MACROD2: variants seen among roughly 807,000 people sequenced by gnomAD.
MACROD2 encodes mono-ADP ribosylhydrolase 2.
A neutral mutation model predicts 70.4 loss-of-function variants in MACROD2; 36 were observed. The observed-to-expected ratio is 0.51, with a 90% CI of 0.39 to 0.68. The LOEUF is 0.68. Ranked by LOEUF, MACROD2 falls within the 30% of genes least tolerant of loss-of-function variation. MACROD2 has a pLI of 0.00. For synonymous variants in MACROD2, 172 were observed against 178.8 expected, an observed-to-expected ratio of 0.96 and a Z score of 0.30; for missense variants, 496 against 538.4, an observed-to-expected ratio of 0.92 and a Z score of 0.78.
intron 8 of MACROD2, among the ~76,000 whole-genome samples, chr20:15,770,898 T>C (rs1472871411): frequency 6.6e-6 from 1 of 152,160 alleles, no homozygotes; most frequent in Non-Finnish European, 1.5e-5. Context: ...CTTCTTCTCG[T>C]GTCCAATCTG....
rs141289169 is a variant in MACROD2 at position 15,006,141 on chromosome 20, A to ATATG, written c.419-223798_419-223797insATGT. Among the ~76,000 whole-genome samples the ATATG allele has an allele frequency of 5.4e-3, 726 of 134,332 alleles. 3 individuals are homozygous for ATATG. The highest frequency in any genetic ancestry group is 7.3e-3 in the Admixed American group (96 of 13,078). The allele number at this position is 134,332 out of a possible 152,430, so 88.1% of individuals were successfully genotyped here. ...CAAAGAATGCATTTTATATATATAT[A>ATATG]TGTGTGTGTGTGTGTGTGTGTGTGT... is the stretch of plus-strand genomic sequence containing the variant. On this transcript the variant is annotated intron_variant, in intron 5 of 17. Coordinates refer to ENST00000684519, the MANE Select transcript of MACROD2 (RefSeq NM_001351661.2).
intron 8 of MACROD2, among the ~76,000 whole-genome samples, chr20:15,772,614 T>C (rs1209904670): frequency 1.3e-5 from 2 of 152,104 alleles, no homozygotes; most frequent in Non-Finnish European, 2.9e-5. Flanking sequence ...AGAGGCTTAA[T>C]AGTTCCTCAT....
intron 5 of MACROD2, among the ~76,000 whole-genome samples, chr20:14,812,799 A>T (rs935623106): frequency 6.6e-6 from 1 of 151,982 alleles, no homozygotes; most frequent in African/African-American, 2.4e-5. Flanking sequence ...AGTGGGTGTA[A>T]TTCACTTCAT....
chr20:14,336,208 TAATAA>T (rs1352571755), intron 3 of MACROD2, among the ~76,000 whole-genome samples: 1 of 152,148 alleles, frequency 6.6e-6, no homozygotes, highest in African/African-American at 2.4e-5. Flanking sequence ...TGTTTCTGGA[TAATAA>T]AATAACATAG....
intron 5 of MACROD2, among the ~76,000 whole-genome samples, chr20:14,902,845 T>C (rs2122556683): frequency 6.6e-6 from 1 of 151,910 alleles, no homozygotes; most frequent in African/African-American, 2.4e-5. Context: ...AATACATAAA[T>C]GTAAGTTCAA....
chr20:15,691,814 C>T (rs995380297), intron 8 of MACROD2, among the ~76,000 whole-genome samples: 3 of 152,134 alleles, frequency 2.0e-5, no homozygotes, highest in African/African-American at 2.4e-5. Flanking sequence ...AATTTCTGAC[C>T]GCTTTATCCT....
At chr20:14,234,352 A>G (rs2081849334) in intron 3 of MACROD2, among the ~76,000 whole-genome samples, 1 of 152,238 alleles carries the variant, frequency 6.6e-6, no homozygotes, top group South Asian at 2.1e-4. Context: ...CAATTTAAAA[A>G]TGATATTCAT....
At chr20:14,514,017 CTT>C (rs2085059719) in intron 4 of MACROD2, among the ~76,000 whole-genome samples, 1 of 152,066 alleles carries the variant, frequency 6.6e-6, no homozygotes, top group Admixed American at 6.6e-5. Context: ...GGTTTATTGT[CTT>C]TCTACTTTTT....
At chr20:14,404,200 A>G (rs533194521) in intron 3 of MACROD2, among the ~76,000 whole-genome samples, 104 of 152,296 alleles carry the variant, frequency 6.8e-4, no homozygotes, top group African/African-American at 2.3e-3. Flanking sequence ...TAGATTTAGA[A>G]TATATATCTA....
chr20:15,522,130 G>A (rs1259558741), intron 8 of MACROD2, among the ~76,000 whole-genome samples: 1 of 152,116 alleles, frequency 6.6e-6, no homozygotes, highest in Non-Finnish European at 1.5e-5. Context: ...GGTAATCAAG[G>A]TGCTTGGGAT....
chr20:14,643,999 A>C (rs991646286), intron 4 of MACROD2, among the ~76,000 whole-genome samples: 1 of 152,208 alleles, frequency 6.6e-6, no homozygotes, highest in African/African-American at 2.4e-5. Context: ...TTATTATGTG[A>C]ATTAAAAACA....
At chr20:15,898,247 G>A (rs1293847606) in intron 10 of MACROD2, among the ~76,000 whole-genome samples, 1 of 152,102 alleles carries the variant, frequency 6.6e-6, no homozygotes, top group East Asian at 1.9e-4. Flanking sequence ...CTCAAAGAGT[G>A]TTCTTGAATC....
chr20:15,873,333 C>T (rs1479956748), intron 9 of MACROD2, among the ~76,000 whole-genome samples: 1 of 151,954 alleles, frequency 6.6e-6, no homozygotes, highest in African/African-American at 2.4e-5. Flanking sequence ...TATTTTTTTC[C>T]TACCTTTCTC....
chr20:14,591,576 A>C (rs1981772498), intron 4 of MACROD2, among the ~76,000 whole-genome samples: 1 of 152,198 alleles, frequency 6.6e-6, no homozygotes, highest in Admixed American at 6.5e-5. Context: ...CCAATGATGA[A>C]CTGGACATTA....
chr20:14,385,116 C>G (rs1050842608), intron 3 of MACROD2, among the ~76,000 whole-genome samples: 3 of 152,072 alleles, frequency 2.0e-5, no homozygotes, highest in Non-Finnish European at 4.4e-5. Flanking sequence ...TGTAAATGCA[C>G]TCAGCTAACA....
intron 5 of MACROD2, among the ~76,000 whole-genome samples, chr20:14,992,723 T>C (rs2074915763): frequency 6.6e-6 from 1 of 152,212 alleles, no homozygotes; most frequent in Non-Finnish European, 1.5e-5. Flanking sequence ...AATTTAGAAC[T>C]TTTAGACATG....
At chr20:14,271,174 C>T (rs186624799) in intron 3 of MACROD2, among the ~76,000 whole-genome samples, 153 of 152,330 alleles carry the variant, frequency 1.0e-3, no homozygotes, top group Middle Eastern at 3.4e-3. Flanking sequence ...GATCTGAGAA[C>T]GGGCAGACTG....
intron 4 of MACROD2, among the ~76,000 whole-genome samples, chr20:14,571,202 G>T (rs935975285): frequency 3.9e-5 from 6 of 151,970 alleles, no homozygotes; most frequent in Admixed American, 1.3e-4. Context: ...AGATATATTT[G>T]GCTTAGTTTT....
intron 5 of MACROD2, among the ~76,000 whole-genome samples, chr20:14,701,651 T>C (rs147597004): frequency 1.3e-5 from 2 of 152,308 alleles, no homozygotes; most frequent in Non-Finnish European, 2.9e-5. Flanking sequence ...AACCAGGACT[T>C]GCTGCTGCAG....
Sources: gnomAD v4.1 joint callset for allele counts (sites outside exome capture counted in the v4.1 genomes callset) on GRCh38, gnomAD v4.1.1 for gene constraint, MANE v1.5 for transcripts, NCBI Gene and HGNC (gene_info 2026-07-23, HGNC 2026-07-21) for gene names.